Variants in IQSEC1 observed in about 807,000 individuals in gnomAD.
IQSEC1 encodes IQ motif and SEC7 domain-containing protein 1.
A neutral mutation model predicts 91.0 loss-of-function variants in IQSEC1; 31 were observed. The observed-to-expected ratio is 0.34, with a 90% CI of 0.26 to 0.46. The LOEUF is 0.46. Ranked by LOEUF, IQSEC1 falls within the 20% of genes least tolerant of loss-of-function variation. The pLI is 1.00. For missense variants in IQSEC1, 1,388 were observed against 1,575.6 expected (o/e 0.88, Z 2.02); for synonymous variants, 699 against 662.6 (o/e 1.05, Z -0.84).
chr3:12,976,257 G>T (rs1021106301), intron 1 of IQSEC1, among the ~76,000 whole-genome samples: 6 of 152,202 alleles, frequency 3.9e-5, no homozygotes, highest in Non-Finnish European at 7.3e-5. Flanking sequence ...AAAGCAGGAG[G>T]GGGGCAGCAG....
chr3:12,899,652 T>A lies in IQSEC1; in HGVS notation c.*1331A>T. 1 of 985,484 alleles carries A rather than the reference T, an allele frequency of 1.0e-6. No individual in the cohort carries two copies. Among genetic ancestry groups the A allele is most frequent in the Non-Finnish European group, 1.2e-6 (1 of 829,940 alleles). 61.0% of individuals were successfully genotyped at this position (985,484 alleles called of 1,614,324 possible). A position where few individuals can be genotyped will look rare whatever the true frequency, so the allele number is the denominator to read the frequency against. On this transcript the variant is annotated 3_prime_UTR_variant, in exon 14 of 14. Transcript: ENST00000613206. ...CGGGCCACGGTGAGGACACAGGGGT[T>A]CTGCTAGCACATGGCTACATGGAAT...
At chr3:13,041,246 C>T (rs1357864356) in intron 1 of IQSEC1, among the ~76,000 whole-genome samples, 1 of 152,004 alleles carries the variant, frequency 6.6e-6, no homozygotes, top group Non-Finnish European at 1.5e-5. Flanking sequence ...AAGGCTGCAC[C>T]ACAGCGCTCA....
At chr3:13,049,448 T>G (rs556275187) in intron 1 of IQSEC1, among the ~76,000 whole-genome samples, 1 of 152,238 alleles carries the variant, frequency 6.6e-6, no homozygotes, top group East Asian at 1.9e-4. Context: ...GCTGTGTTCT[T>G]CCCACACACT....
intron 2 of IQSEC1, among the ~76,000 whole-genome samples, chr3:13,102,392 T>C (rs932602942): frequency 4.6e-5 from 7 of 151,904 alleles, no homozygotes; most frequent in Non-Finnish European, 1.0e-4. Flanking sequence ...CCCAGCCCCA[T>C]GTTGGGGCTG....
chr3:13,134,946 T>C (rs748313461), intron 2 of IQSEC1, among the ~76,000 whole-genome samples: 1 of 151,910 alleles, frequency 6.6e-6, no homozygotes, highest in Non-Finnish European at 1.5e-5. Flanking sequence ...TGTCCTACAC[T>C]CTGCAAGGGG....
intron 2 of IQSEC1, among the ~76,000 whole-genome samples, chr3:13,128,938 G>C (rs536732566): frequency 2.0e-5 from 3 of 151,292 alleles, no homozygotes; most frequent in African/African-American, 7.3e-5. Flanking sequence ...CAAGTCTGCA[G>C]TTTTATTTTC....
intron 3 of IQSEC1, among the ~76,000 whole-genome samples, chr3:12,930,685 C>T (rs1022246188): frequency 1.2e-4 from 19 of 152,170 alleles, no homozygotes; most frequent in Admixed American, 2.0e-4. Context: ...ATACCCGGGA[C>T]TTTTCAGGTC....
chr3:12,931,223 C>T (rs530341655), intron 3 of IQSEC1, among the ~76,000 whole-genome samples: 39 of 152,218 alleles, frequency 2.6e-4, no homozygotes, highest in Admixed American at 2.2e-3. Context: ...TCCTGGGCTG[C>T]GGGTAGCATC....
At chr3:13,203,164 TACAC>T (rs10533324) in intron 1 of IQSEC1, among the ~76,000 whole-genome samples, 2,433 of 147,720 alleles carry the variant, frequency 0.016, 34 homozygotes, top group African/African-American at 0.039. Context: ...TTACCACTAC[TACAC>T]ACACACACAC....
rs1357222546 is a variant in IQSEC1 at position 13,078,506 on chromosome 3, G to A, written c.303-30984C>T. Among the ~76,000 whole-genome samples the A allele has an allele frequency of 3.9e-5, 6 of 152,154 alleles. 1 individual carries two copies. The South Asian group carries it at 8.3e-4, about 21-fold the overall frequency. ...CTCTCAGCAGGCAGTGTAGCCTGGG[G>A]GGGAAGGCCAGGAGCCTCCTCTGCC... On this transcript the variant is annotated intron_variant, in intron 2 of 15. Transcript: ENST00000648114.
chr3:12,907,235 C>T (rs550341970), intron 12 of IQSEC1, among the ~76,000 whole-genome samples: 4 of 152,172 alleles, frequency 2.6e-5, no homozygotes, highest in South Asian at 4.2e-4. Context: ...AATGACAAAA[C>T]GAAAACAAAG....
chr3:13,258,821 C>T (rs1430209213), intron 1 of IQSEC1, among the ~76,000 whole-genome samples: 1 of 152,208 alleles, frequency 6.6e-6, no homozygotes, highest in African/African-American at 2.4e-5. Flanking sequence ...CCCTCGCCCC[C>T]CTCCCCACCC....
chr3:12,972,099 T>G (rs1700931306), intron 1 of IQSEC1, among the ~76,000 whole-genome samples: 1 of 151,864 alleles, frequency 6.6e-6, no homozygotes, highest in East Asian at 1.9e-4. Flanking sequence ...TTTTTTTTTT[T>G]TAATGTGCCA....
intron 1 of IQSEC1, among the ~76,000 whole-genome samples, chr3:13,174,966 C>T (rs954502833): frequency 5.3e-5 from 8 of 152,124 alleles, no homozygotes; most frequent in South Asian, 4.1e-4. Context: ...TCCTGGCATG[C>T]GCTGCCCCAG....
At chr3:12,938,030 C>G (rs1179241433) in intron 2 of IQSEC1, among the ~76,000 whole-genome samples, 1 of 152,198 alleles carries the variant, frequency 6.6e-6, no homozygotes, top group Non-Finnish European at 1.5e-5. Flanking sequence ...AAGGACGGTC[C>G]TGAGGGCCAC....
chr3:13,165,537 CGTGTGTGT>C (rs57239903), intron 1 of IQSEC1, among the ~76,000 whole-genome samples: 15 of 66,690 alleles, frequency 2.2e-4, no homozygotes, highest in African/African-American at 8.0e-4. Flanking sequence ...GGGGGGGTGG[CGTGTGTGT>C]GTGTGTGTGT....
chr3:12,949,198 A>G (rs1415709255), intron 1 of IQSEC1, among the ~76,000 whole-genome samples: 1 of 152,208 alleles, frequency 6.6e-6, no homozygotes, highest in Non-Finnish European at 1.5e-5. Flanking sequence ...CCAGCTGCTC[A>G]GGGGAAAAGC....
At chr3:13,041,767 G>A (rs1704280143) in intron 1 of IQSEC1, among the ~76,000 whole-genome samples, 1 of 152,208 alleles carries the variant, frequency 6.6e-6, no homozygotes, top group African/African-American at 2.4e-5. Context: ...CTACAGTTGG[G>A]AAACAGGCTT....
rs570323166 is a variant in IQSEC1, at chr3:13,260,610, G to A, written c.272+22101C>T. Reference sequence around the variant, plus strand: ...TGCCTGAGAAGCAGCACCCCTCACCGATGCCTGAGTCTACCATCAAGGCCT... The same window carrying A: ...TGCCTGAGAAGCAGCACCCCTCACCAATGCCTGAGTCTACCATCAAGGCCT... On this transcript the variant is annotated intron_variant, in intron 1 of 15. Coordinates refer to the IQSEC1 transcript ENST00000648114. Among the ~76,000 whole-genome samples, 18 of 152,302 alleles carry A rather than the reference G, an allele frequency of 1.2e-4. 1 individual carries two copies. The highest frequency in any genetic ancestry group is 8.3e-4 in the South Asian group (4 of 4,818).
Sources: allele counts gnomAD v4.1 joint callset (sites outside exome capture counted in the v4.1 genomes callset), GRCh38; gene constraint gnomAD v4.1.1; transcripts MANE v1.5; gene names NCBI Gene and HGNC (gene_info 2026-07-23, HGNC 2026-07-21).